Variants in RANGAP1 observed in about 807,000 individuals in gnomAD.
The protein encoded by RANGAP1 is ran GTPase-activating protein 1.
A neutral mutation model predicts 63.5 loss-of-function variants in RANGAP1; 38 were observed. The observed-to-expected ratio is 0.60, with a 90% CI of 0.46 to 0.78. The LOEUF is 0.78. Ranked by LOEUF, RANGAP1 falls within the 30% of genes least tolerant of loss-of-function variation. The probability of loss-of-function intolerance (pLI) is 0.00; values close to 1 mark genes in which losing one functional copy is unlikely to be tolerated. For synonymous variants in RANGAP1, 329 were observed against 310.5 expected (o/e 1.06, Z -0.63); for missense variants, 630 against 740.3 (o/e 0.85, Z 1.73).
intron 6 of RANGAP1, among the ~76,000 whole-genome samples, chr22:41,260,375 C>T (rs1446696677): frequency 6.6e-6 from 1 of 152,162 alleles, no homozygotes; most frequent in Non-Finnish European, 1.5e-5. Flanking sequence ...CCAGAGGAGG[C>T]AGCAGGAGCT....
chr22:41,271,132 A>G (rs544406890), intron 3 of RANGAP1, among the ~76,000 whole-genome samples: 27 of 152,164 alleles, frequency 1.8e-4, no homozygotes, highest in African/African-American at 6.5e-4. Context: ...GCTCACGCCG[A>G]TAATTCCAGC....
intron 1 of RANGAP1, chr22:41,282,367 T>G (rs987587842): frequency 6.6e-6 from 1 of 152,244 alleles, no homozygotes; most frequent in Admixed American, 6.5e-5. Flanking sequence ...TCGCCCAGGC[T>G]GGAGCACAGT....
At chr22:41,301,076 G>A in the RANGAP1 span, among the ~76,000 whole-genome samples, 2 of 152,090 alleles carry the variant, frequency 1.3e-5, no homozygotes, top group Admixed American at 6.6e-5. Context: ...TCTTTAACAA[G>A]TGTCATTCAA....
the RANGAP1 span, among the ~76,000 whole-genome samples, chr22:41,296,893 G>T: frequency 6.6e-6 from 1 of 152,152 alleles, no homozygotes; most frequent in Non-Finnish European, 1.5e-5. Flanking sequence ...TGATGGTTCA[G>T]GTCAAATCCA....
At chr22:41,298,489 AT>A in the RANGAP1 span, among the ~76,000 whole-genome samples, 1 of 150,692 alleles carries the variant, frequency 6.6e-6, no homozygotes, top group African/African-American at 2.5e-5. Flanking sequence ...TCATTTTTGT[AT>A]TTTTCGTAGA....
chr22:41,284,252 AT>A (rs1216384885), intron 1 of RANGAP1, among the ~76,000 whole-genome samples: 1 of 151,830 alleles, frequency 6.6e-6, no homozygotes, highest in African/African-American at 2.4e-5. Flanking sequence ...CCTCAAAAAA[AT>A]AAAATAAAAT....
chr22:41,253,079 C>G, intron 11 of RANGAP1, 88 bp from the exon 12 acceptor site: 1 of 1,272,300 alleles, frequency 7.9e-7, no homozygotes, highest in Non-Finnish European at 1.0e-6. Context: ...CCAGCACATC[C>G]ACCCTTCACT....
chr22:41,289,079 C>T (rs1024407503), upstream of RANGAP1, among the ~76,000 whole-genome samples: 27 of 151,788 alleles, frequency 1.8e-4, no homozygotes, highest in Admixed American at 8.5e-4. Context: ...CACGCCACCA[C>T]GCCCGGCTAA....
the RANGAP1 span, among the ~76,000 whole-genome samples, chr22:41,293,779 AAAG>A: frequency 6.6e-4 from 55 of 83,716 alleles, 1 homozygote; most frequent in African/African-American, 7.6e-4. Flanking sequence ...AAAAAAAAAA[AAAG>A]AAAAGAAATA....
chr22:41,286,748 C>T (rs1045261058), upstream of RANGAP1, among the ~76,000 whole-genome samples: 1 of 152,224 alleles, frequency 6.6e-6, no homozygotes, highest in African/African-American at 2.4e-5. Context: ...ACTTGAACGG[C>T]CACGTTAACA....
the RANGAP1 span, among the ~76,000 whole-genome samples, chr22:41,294,576 T>C: frequency 1.4e-5 from 2 of 142,670 alleles, no homozygotes; most frequent in Non-Finnish European, 3.1e-5. Flanking sequence ...GGAGCGTCTC[T>C]GCCCAGCCGC....
intron 1 of RANGAP1, chr22:41,285,766 G>A: frequency 1.1e-6 from 1 of 897,792 alleles, no homozygotes; most frequent in Non-Finnish European, 1.3e-6. Context: ...GCTCTGGCGA[G>A]TCAGACGCCC....
the RANGAP1 span, among the ~76,000 whole-genome samples, chr22:41,292,671 C>T: frequency 4.4e-4 from 67 of 152,024 alleles, no homozygotes; most frequent in African/African-American, 1.6e-3. Flanking sequence ...CGCTTGAACC[C>T]GGGAGGCGGA....
chr22:41,293,220 G>C, the RANGAP1 span, among the ~76,000 whole-genome samples: 217 of 149,534 alleles, frequency 1.5e-3, 3 homozygotes, highest in African/African-American at 5.1e-3. Flanking sequence ...GGGTGACAGA[G>C]GGAGACTCCT....
chr22:41,271,763 T>C (rs553604443), intron 3 of RANGAP1, among the ~76,000 whole-genome samples: 3 of 151,794 alleles, frequency 2.0e-5, no homozygotes, highest in Admixed American at 2.0e-4. Flanking sequence ...TGTGTGACTC[T>C]GGGCTACACT....
Position 41,244,926 on chromosome 22 carries a change from T to C in RANGAP1, c.*1677A>G, listed in dbSNP as rs2032946520. Among the ~76,000 whole-genome samples, 1 of 152,200 alleles carries C rather than the reference T, an allele frequency of 6.6e-6. No individual in the cohort carries two copies. The highest frequency in any genetic ancestry group is 1.5e-5 in the Non-Finnish European group (1 of 68,032). ...CTCACTCCCTATTCCACCCTTCCCCTAGCCCTGGCAACCTCTACCTTCTTG... is the reference window on the plus strand; with the variant it reads ...CTCACTCCCTATTCCACCCTTCCCCCAGCCCTGGCAACCTCTACCTTCTTG... On this transcript the variant is annotated 3_prime_UTR_variant, in exon 16 of 16. Transcript: ENST00000356244.
intron 6 of RANGAP1, among the ~76,000 whole-genome samples, chr22:41,258,516 C>T (rs1171797599): frequency 6.6e-6 from 1 of 152,202 alleles, no homozygotes; most frequent in Admixed American, 6.5e-5. Flanking sequence ...CCTAGCCCAC[C>T]CACCTACACA....
intron 2 of RANGAP1, among the ~76,000 whole-genome samples, chr22:41,280,397 G>A (rs1028326205): frequency 2.0e-5 from 3 of 152,226 alleles, no homozygotes; most frequent in African/African-American, 7.2e-5. Context: ...GACAGGGTCT[G>A]CTCTCTGGTT....
At chr22:41,262,578 C>T (rs2034234921) in intron 5 of RANGAP1, among the ~76,000 whole-genome samples, 1 of 148,780 alleles carries the variant, frequency 6.7e-6, no homozygotes, top group Non-Finnish European at 1.5e-5. Flanking sequence ...TAACTCCTGG[C>T]ATGAGACTGC....
Sources: gnomAD v4.1 joint callset for allele counts (sites outside exome capture counted in the v4.1 genomes callset) on GRCh38, gnomAD v4.1.1 for gene constraint, MANE v1.5 for transcripts, NCBI Gene and HGNC (gene_info 2026-07-23, HGNC 2026-07-21) for gene names.